Variants in RHOBTB3 observed in about 807,000 individuals in gnomAD.
The protein encoded by RHOBTB3 is Rho related BTB domain containing 3, also known as rho-related BTB domain-containing protein 3.
A neutral mutation model predicts 67.2 loss-of-function variants in RHOBTB3; 47 were observed. That is an observed-to-expected ratio of 0.70 (90% CI 0.55 to 0.89). The LOEUF (loss-of-function observed/expected upper bound fraction) is 0.89, where lower values mean the gene tolerates loss of function less well. RHOBTB3 is among the 40% of genes least tolerant of loss of function. The probability of loss-of-function intolerance (pLI) is 0.00; values close to 1 mark genes in which losing one functional copy is unlikely to be tolerated. For missense variants in RHOBTB3, 631 were observed against 750.0 expected, an observed-to-expected ratio of 0.84 and a Z score of 1.85; for synonymous variants, 273 against 274.2, an observed-to-expected ratio of 1.00 and a Z score of 0.04.
At chr5:95,738,934 C>G (rs1033266093) in intron 3 of RHOBTB3, among the ~76,000 whole-genome samples, 1 of 152,150 alleles carries the variant, frequency 6.6e-6, no homozygotes, top group African/African-American at 2.4e-5. Context: ...TATCTGTCTC[C>G]TTTGCCTTTC....
At chr5:95,754,583 C>A (rs1745189049) in intron 5 of RHOBTB3, among the ~76,000 whole-genome samples, 1 of 152,196 alleles carries the variant, frequency 6.6e-6, no homozygotes, top group Non-Finnish European at 1.5e-5. Flanking sequence ...CTTTCCTCAG[C>A]TCCTCTGGAT....
intron 8 of RHOBTB3, chr5:95,779,882 T>G (rs1745999155): frequency 5.1e-6 from 1 of 196,852 alleles, no homozygotes; most frequent in South Asian, 1.1e-4. Flanking sequence ...GGTTGTTTTC[T>G]TGGGAGGCAC....
rs1445198945 is a variant in RHOBTB3, at chr5:95,763,503, T to C, written c.1049-5T>C. ...AAAATCCAGCATGTACTAATTTGTTTACAGGTGCTTTTCAGTGGGAAGAAT... is the reference window on the plus strand; with the variant it reads ...AAAATCCAGCATGTACTAATTTGTTCACAGGTGCTTTTCAGTGGGAAGAAT... On this transcript the variant is annotated splice_polypyrimidine_tract_variant and splice_region_variant and intron_variant, in intron 6 of 11. Transcript: ENST00000379982. The C allele has an allele frequency of 6.4e-7, 1 of 1,574,674 alleles. No homozygotes were observed. The highest frequency in any genetic ancestry group is 1.3e-5 in the African/African-American group (1 of 74,096).
chr5:95,739,699 G>A (rs114928718), intron 3 of RHOBTB3, among the ~76,000 whole-genome samples: 5,331 of 152,078 alleles, frequency 0.035, 131 homozygotes, highest in East Asian at 0.095. Context: ...CTACAGGCAC[G>A]TGCCACCACA....
At chr5:95,738,412 A>G (rs1164598081) in intron 3 of RHOBTB3, among the ~76,000 whole-genome samples, 2 of 152,096 alleles carry the variant, frequency 1.3e-5, no homozygotes, top group African/African-American at 4.8e-5. Flanking sequence ...TGTGGTCTGA[A>G]TTTGTTCCCC....
At chr5:95,736,794 A>T in intron 2 of RHOBTB3, 95 bp from the exon 3 acceptor site, 1 of 815,878 alleles carries the variant, frequency 1.2e-6, no homozygotes, top group Admixed American at 3.0e-5. Context: ...TTTTAAAATA[A>T]TTTTTTATGA....
intron 8 of RHOBTB3, among the ~76,000 whole-genome samples, chr5:95,775,875 G>T (rs989377008): frequency 6.6e-6 from 1 of 151,970 alleles, no homozygotes; most frequent in African/African-American, 2.4e-5. Context: ...CTCAAAGTAA[G>T]GATCAGTAAT....
intron 10 of RHOBTB3, among the ~76,000 whole-genome samples, chr5:95,786,783 C>G (rs988448559): frequency 6.6e-6 from 1 of 151,996 alleles, no homozygotes; most frequent in African/African-American, 2.4e-5. Context: ...TTTTTAATGC[C>G]TTTTTAAAAA....
chr5:95,728,709 C>T (rs1018243263), upstream of RHOBTB3, among the ~76,000 whole-genome samples: 5 of 152,138 alleles, frequency 3.3e-5, no homozygotes, highest in Admixed American at 1.3e-4. Context: ...AGGCTGGGTA[C>T]ACTAAGGCTG....
Position 95,763,500 on chromosome 5 carries a change from G to T in RHOBTB3, c.1049-8G>T. The stretch of plus-strand genomic sequence containing the variant: ...AGAAAAATCCAGCATGTACTAATTT[G>T]TTTACAGGTGCTTTTCAGTGGGAAG... On this transcript the variant is annotated splice_polypyrimidine_tract_variant and splice_region_variant and intron_variant, in intron 6 of 11. Transcript: ENST00000379982. 1 of 1,553,824 alleles carries T rather than the reference G, an allele frequency of 6.4e-7. No homozygotes were observed. The highest frequency in any genetic ancestry group is 8.9e-7 in the Non-Finnish European group (1 of 1,126,414).
At chr5:95,756,787 A>G (rs1451617664) in intron 6 of RHOBTB3, among the ~76,000 whole-genome samples, 2 of 152,090 alleles carry the variant, frequency 1.3e-5, no homozygotes, top group African/African-American at 4.8e-5. Flanking sequence ...ATGTTTTTGT[A>G]TTTGCCTTGG....
At chr5:95,760,184 T>G (rs1322137040) in intron 6 of RHOBTB3, among the ~76,000 whole-genome samples, 8 of 152,248 alleles carry the variant, frequency 5.3e-5, no homozygotes, top group African/African-American at 1.9e-4. Flanking sequence ...TTGTATACGT[T>G]AGTTTTCTAT....
intron 6 of RHOBTB3, among the ~76,000 whole-genome samples, chr5:95,760,375 CAT>C (rs1039525328): frequency 6.6e-6 from 1 of 152,184 alleles, no homozygotes; most frequent in African/African-American, 2.4e-5. Context: ...ATTCTTGAGT[CAT>C]ATGATCTCAG....
chr5:95,729,655 T>C (rs2112761295), upstream of RHOBTB3, among the ~76,000 whole-genome samples: 1 of 152,280 alleles, frequency 6.6e-6, no homozygotes, highest in East Asian at 1.9e-4. Context: ...TGAAACACTA[T>C]ACCTGTTGAA....
At chr5:95,766,415 A>G (rs1460043938) in intron 7 of RHOBTB3, among the ~76,000 whole-genome samples, 2 of 151,958 alleles carry the variant, frequency 1.3e-5, no homozygotes, top group Non-Finnish European at 2.9e-5. Context: ...AAAATATGAT[A>G]TTTCAATAAA....
chr5:95,730,352 G>A (rs968893243), upstream of RHOBTB3, among the ~76,000 whole-genome samples: 1 of 152,324 alleles, frequency 6.6e-6, no homozygotes, highest in East Asian at 1.9e-4. Context: ...TAAGGTACTG[G>A]TTAGAATTTT....
chr5:95,750,085 T>C lies in RHOBTB3; in HGVS notation c.570+1598T>C, dbSNP rs187906523. Among the ~76,000 whole-genome samples, 939 of 152,362 alleles carry C rather than the reference T, an allele frequency of 6.2e-3. 10 individuals carry two copies. Among genetic ancestry groups the C allele is most frequent in the Non-Finnish European group, 9.2e-3 (624 of 68,038 alleles). ...AATGGTATCATTTTAGATGTTTTAC[T>C]TTCTAGTAAAGTACAACTGGGATCT... On this transcript the variant is annotated intron_variant, in intron 4 of 11. Transcript: ENST00000379982.
At chr5:95,720,827 G>A (rs1754848654) in intron 1 of RHOBTB3, among the ~76,000 whole-genome samples, 1 of 152,114 alleles carries the variant, frequency 6.6e-6, no homozygotes. Context: ...TTCTAGTAAC[G>A]ACTGATTATT....
intron 6 of RHOBTB3, among the ~76,000 whole-genome samples, chr5:95,762,810 GAAA>G (rs2112808285): frequency 6.6e-6 from 1 of 152,326 alleles, no homozygotes; most frequent in South Asian, 2.1e-4. Flanking sequence ...AGTCCTTGGG[GAAA>G]AGGTCAGCTT....
Sources: allele counts gnomAD v4.1 joint callset (sites outside exome capture counted in the v4.1 genomes callset), GRCh38; gene constraint gnomAD v4.1.1; transcripts MANE v1.5; gene names NCBI Gene and HGNC (gene_info 2026-07-23, HGNC 2026-07-21).